The following TMEM132B variants were observed in gnomAD, a reference collection of about 807,000 sequenced individuals.
TMEM132B encodes transmembrane protein 132B.
In TMEM132B, 18 loss-of-function variants were observed where a neutral mutation model predicts 90.8. The observed-to-expected ratio is 0.20, with a 90% confidence interval of 0.14 to 0.29. The LOEUF is 0.29. Ranked by LOEUF, TMEM132B falls within the 10% of genes least tolerant of loss-of-function variation. TMEM132B has a pLI of 1.00. For missense variants in TMEM132B, 1,096 were observed against 1,326.8 expected (o/e 0.83, Z 2.70); for synonymous variants, 504 against 523.3 (o/e 0.96, Z 0.50).
chr12:125,333,422 C>A (rs1415355780), intron 1 of TMEM132B, among the ~76,000 whole-genome samples: 1 of 152,204 alleles, frequency 6.6e-6, no homozygotes, highest in African/African-American at 2.4e-5. Flanking sequence ...ATTACTCAAC[C>A]CACTACATAC....
chr12:125,392,415 A>G (rs1879051911), intron 2 of TMEM132B, among the ~76,000 whole-genome samples: 1 of 152,218 alleles, frequency 6.6e-6, no homozygotes, highest in Admixed American at 6.5e-5. Context: ...GCTGCCATCC[A>G]AGTGGGCACT....
At chr12:125,566,228 C>A (rs1490814464) in intron 4 of TMEM132B, among the ~76,000 whole-genome samples, 1 of 152,198 alleles carries the variant, frequency 6.6e-6, no homozygotes, top group African/African-American at 2.4e-5. Context: ...CCTTCTCCTT[C>A]ACTTCCCTTT....
At chr12:125,602,822 A>G (rs1593016123) in intron 5 of TMEM132B, among the ~76,000 whole-genome samples, 1 of 152,192 alleles carries the variant, frequency 6.6e-6, no homozygotes, top group South Asian at 2.1e-4. Flanking sequence ...TATACCAACA[A>G]TAGACAGAGA....
In TMEM132B at chr12:125,643,940, G is replaced by C. The variant is rs1886694066; in HGVS notation, c.1438-136G>C. The C allele has an allele frequency of 5.5e-6, 4 of 722,454 alleles. No homozygotes were observed. The Admixed American group carries it at 9.8e-5, about 18-fold the overall frequency. 44.8% of individuals were successfully genotyped at this position (722,454 alleles called of 1,614,324 possible). A position where few individuals can be genotyped will look rare whatever the true frequency, so the allele number is the denominator to read the frequency against. On this transcript the variant is annotated intron_variant, in intron 5 of 8. Transcript: ENST00000682704. ...AATTAGTGCCTACAAATTACCTTTT[G>C]TACAAGTTCTGTTCATTGGGTTGTT...
chr12:125,508,935 C>T (rs917279701), intron 3 of TMEM132B, among the ~76,000 whole-genome samples: 4 of 151,864 alleles, frequency 2.6e-5, no homozygotes, highest in African/African-American at 7.3e-5. Context: ...AGGTGTGCAC[C>T]ACCACGCCTG....
chr12:125,261,915 C>T (rs934620960), intron 1 of TMEM132B, among the ~76,000 whole-genome samples: 1 of 152,160 alleles, frequency 6.6e-6, no homozygotes, highest in African/African-American at 2.4e-5. Context: ...ACTGCATCCT[C>T]GACCTCCTGG....
chr12:125,385,582 A>T (rs1228836893), intron 2 of TMEM132B, among the ~76,000 whole-genome samples: 1 of 152,220 alleles, frequency 6.6e-6, no homozygotes, highest in African/African-American at 2.4e-5. Context: ...TTTGTGTTGG[A>T]CAAAGACCTT....
rs765932522 is a variant in TMEM132B, at chr12:125,654,326, A to G, written c.2868A>G (p.Glu956=). The G allele has an allele frequency of 1.2e-6, 2 of 1,612,968 alleles. No homozygotes were observed. Among genetic ancestry groups the G allele is most frequent in the Non-Finnish European group, 1.7e-6 (2 of 1,180,030 alleles). The change falls in exon 9 of 9, where the codon GAA becomes GAG. Residue 956 remains glutamate, a synonymous_variant. Transcript: ENST00000682704. The surrounding 1 kb of genome is among the most constrained non-coding windows in gnomAD (Gnocchi z 5.8). ...ACGACTGGGTCTGGCTTGGGAATGA[A>G]GTGGAACTTTTGGAGAACCCTGTTG... The part of the protein sequence containing the change: ...HSHDWVWLGN[E]VELLENPVDI...
At chr12:125,528,126 A>C (rs950388251) in intron 4 of TMEM132B, among the ~76,000 whole-genome samples, 2 of 151,114 alleles carry the variant, frequency 1.3e-5, no homozygotes, top group Non-Finnish European at 2.9e-5. Context: ...ATGCTAACAA[A>C]TGTGTCTATT....
chr12:125,596,787 T>C (rs1307928942), intron 5 of TMEM132B, among the ~76,000 whole-genome samples: 1 of 152,198 alleles, frequency 6.6e-6, no homozygotes, highest in Non-Finnish European at 1.5e-5. Context: ...GATGAATAAG[T>C]ATTTCACACA....
chr12:125,202,883 T>G (rs1873096112), intron 1 of TMEM132B, among the ~76,000 whole-genome samples: 1 of 152,228 alleles, frequency 6.6e-6, no homozygotes, highest in Non-Finnish European at 1.5e-5. Context: ...TAGCTGTTTC[T>G]GATATGAACT....
chr12:125,305,962 G>A (rs1875948055), intron 1 of TMEM132B, among the ~76,000 whole-genome samples: 1 of 152,258 alleles, frequency 6.6e-6, no homozygotes, highest in African/African-American at 2.4e-5. Context: ...AAAGTCAGAA[G>A]TTCCAGGCTT....
chr12:125,453,518 A>C (rs1230732217), intron 3 of TMEM132B, among the ~76,000 whole-genome samples: 1 of 152,224 alleles, frequency 6.6e-6, no homozygotes, highest in African/African-American at 2.4e-5. Flanking sequence ...AAATGTAATC[A>C]TTGAAAAGAT....
At chr12:125,299,059 C>G (rs1875746448) in intron 1 of TMEM132B, among the ~76,000 whole-genome samples, 1 of 152,140 alleles carries the variant, frequency 6.6e-6, no homozygotes, top group African/African-American at 2.4e-5. Context: ...GAGATGAGGT[C>G]TTGCTGTGTT....
At chr12:125,519,352 A>G in intron 3 of TMEM132B, 87 bp from the exon 4 acceptor site, 1 of 1,367,360 alleles carries the variant, frequency 7.3e-7, no homozygotes, top group East Asian at 2.4e-5. Flanking sequence ...TTGGTTGACA[A>G]ATAAGAATGT....
intron 2 of TMEM132B, among the ~76,000 whole-genome samples, chr12:125,402,346 C>G (rs570530965): frequency 6.6e-6 from 1 of 152,148 alleles, no homozygotes; most frequent in Non-Finnish European, 1.5e-5. Flanking sequence ...ACCACCACCA[C>G]GCCTGGCTAA....
At chr12:125,300,893 G>C (rs1297301367) in intron 1 of TMEM132B, 9 of 152,042 alleles carry the variant, frequency 5.9e-5, no homozygotes, top group African/African-American at 2.4e-5. Flanking sequence ...TGCCTGCACT[G>C]GGGTGCTTTT....
At chr12:125,258,878 T>C (rs1186853373) in intron 1 of TMEM132B, among the ~76,000 whole-genome samples, 1 of 152,220 alleles carries the variant, frequency 6.6e-6, no homozygotes, top group Non-Finnish European at 1.5e-5. Context: ...TCATTTAATC[T>C]GAATACTGAA....
At chr12:125,398,531 T>TG (rs1002201830) in intron 2 of TMEM132B, among the ~76,000 whole-genome samples, 1 of 151,722 alleles carries the variant, frequency 6.6e-6, no homozygotes, top group Non-Finnish European at 1.5e-5. Context: ...GGACTGGCGG[T>TG]GGGGGGGATG....
Sources: gnomAD v4.1 joint callset for allele counts (sites outside exome capture counted in the v4.1 genomes callset) on GRCh38, gnomAD v4.1.1 for gene constraint, Gnocchi (gnomAD v3.1) non-coding constraint, MANE v1.5 for transcripts, NCBI Gene and HGNC (gene_info 2026-07-23, HGNC 2026-07-21) for gene names.